Variants in CLMN observed in about 807,000 individuals in gnomAD.
CLMN encodes the protein calmin.
In CLMN, 57 loss-of-function variants were observed where a neutral mutation model predicts 92.7. The ratio of observed to expected loss-of-function variants is 0.61; its 90% confidence interval spans 0.50 to 0.77. The LOEUF is 0.77. Ranked by LOEUF, CLMN falls within the 30% of genes least tolerant of loss-of-function variation. The pLI is 0.00. For missense variants in CLMN, 1,158 were observed against 1,237.5 expected, an observed-to-expected ratio of 0.94 and a Z score of 0.96; for synonymous variants, 466 against 470.6, an observed-to-expected ratio of 0.99 and a Z score of 0.13.
At chr14:95,302,659 CT>C (rs1311802927) in intron 1 of CLMN, among the ~76,000 whole-genome samples, 16 of 152,222 alleles carry the variant, frequency 1.1e-4, no homozygotes, top group African/African-American at 2.9e-4. Context: ...CATAAAAACC[CT>C]TTACTAGTAT....
At chr14:95,314,539 T>C (rs1392452319) in intron 1 of CLMN, among the ~76,000 whole-genome samples, 1 of 152,062 alleles carries the variant, frequency 6.6e-6, no homozygotes, top group Non-Finnish European at 1.5e-5. Flanking sequence ...TCCAACCCTC[T>C]CATTTTGCAA....
chr14:95,290,227 G>A (rs146557991), intron 1 of CLMN, among the ~76,000 whole-genome samples: 49 of 152,262 alleles, frequency 3.2e-4, no homozygotes, highest in African/African-American at 1.1e-3. Context: ...GGTCCGCCCC[G>A]CCCACTCTTC....
At chr14:95,255,640 T>G (rs1898968590) in intron 1 of CLMN, among the ~76,000 whole-genome samples, 1 of 152,172 alleles carries the variant, frequency 6.6e-6, no homozygotes, top group Non-Finnish European at 1.5e-5. Context: ...CACAGCTTTC[T>G]GTCTGATTTC....
At chr14:95,281,032 A>C (rs1900126400) in intron 1 of CLMN, among the ~76,000 whole-genome samples, 1 of 152,244 alleles carries the variant, frequency 6.6e-6, no homozygotes, top group African/African-American at 2.4e-5. Context: ...AAATGCAGAG[A>C]GGAAAAATAA....
intron 10 of CLMN, among the ~76,000 whole-genome samples, chr14:95,195,361 G>A (rs982791846): frequency 2.6e-5 from 4 of 152,362 alleles, no homozygotes. Context: ...GGCACGCTGG[G>A]AGTCAAAGGC....
chr14:95,310,762 G>A (rs1344833458), intron 1 of CLMN, among the ~76,000 whole-genome samples: 3 of 152,182 alleles, frequency 2.0e-5, no homozygotes, highest in African/African-American at 7.2e-5. Context: ...TTCTGGGCAT[G>A]GTCACAGTCA....
intron 1 of CLMN, among the ~76,000 whole-genome samples, chr14:95,244,786 T>C (rs1392967846): frequency 6.6e-6 from 1 of 151,928 alleles, no homozygotes; most frequent in Non-Finnish European, 1.5e-5. Context: ...AAGAAGGACA[T>C]ATCATATCAC....
rs1379867530 is a variant in CLMN at position 95,256,452 on chromosome 14, CCTT to C, written c.83-26322_83-26320del. ...CTTGACACTGAGAAGCACTCTAACT[CCTT>C]CTTTGTGAACACGTTTTGACACAGT... On this transcript the variant is annotated intron_variant, in intron 1 of 12. Transcript: ENST00000298912. The surrounding 1 kb of genome is among the most constrained non-coding windows in gnomAD (Gnocchi z 4.9). 6.6e-6 allele frequency among the ~76,000 whole-genome samples: 1 copy of C among 152,220 alleles called. No homozygotes were observed. Among genetic ancestry groups the C allele is most frequent in the Non-Finnish European group, 1.5e-5 (1 of 68,044 alleles).
rs749582481 is a variant in CLMN, at chr14:95,210,711, G to A, written c.777C>T (p.His259=). ...CTTCTGGCTCCAGGAGCCTGGGGAT[G>A]TGCAGGGCATCCTGTGCGATGCTGA... ...KAFSIAQDAL[H]IPRLLEPEDI... The change falls in exon 7 of 13, where the codon CAC becomes CAT. Residue 259 remains histidine (H), a synonymous_variant. Coordinates refer to ENST00000298912, the MANE Select transcript of CLMN (RefSeq NM_024734.4). 1 of 1,607,432 alleles carries A rather than the reference G, an allele frequency of 6.2e-7. No individual in the cohort carries two copies. The highest frequency in any genetic ancestry group is 2.3e-5 in the East Asian group (1 of 44,012).
intron 1 of CLMN, among the ~76,000 whole-genome samples, chr14:95,243,713 T>G (rs1213737365): frequency 9.3e-6 from 1 of 107,248 alleles, no homozygotes; most frequent in Admixed American, 1.2e-4. Context: ...GAGAGTAATC[T>G]CCTCTATTTT....
intron 1 of CLMN, among the ~76,000 whole-genome samples, chr14:95,242,574 C>CTTTCTTTT (rs749024477): frequency 8.3e-6 from 1 of 119,856 alleles, no homozygotes; most frequent in Admixed American, 8.4e-5. Context: ...ATCTCTTTTT[C>CTTTCTTTT]TTTTTTTTTG....
At position 95,279,697 on chromosome 14, in the gene CLMN, GGCGTGAACCCA is replaced by G. The variant is rs992918241; in HGVS notation, c.82+40003_82+40013del. Among the ~76,000 whole-genome samples the G allele has an allele frequency of 4.5e-4, 68 of 152,288 alleles. 1 individual carries two copies. Among genetic ancestry groups the G allele is most frequent in the African/African-American group, 1.6e-3 (66 of 41,562 alleles). ...CCTCGGGAGGATGAGGCAGGAGAAT[GGCGTGAACCCA>G]GGAGGCGGAGCTTGCAGTGAGCCAA... On this transcript the variant is annotated intron_variant, in intron 1 of 12. Coordinates refer to ENST00000298912, the MANE Select transcript of CLMN (RefSeq NM_024734.4).
intron 1 of CLMN, among the ~76,000 whole-genome samples, chr14:95,287,694 C>T (rs987506635): frequency 2.0e-5 from 3 of 152,214 alleles, no homozygotes; most frequent in Admixed American, 6.5e-5. Context: ...AATGGTTTAG[C>T]ATTGGAAGAT....
At chr14:95,305,264 T>C (rs1269180069) in intron 1 of CLMN, among the ~76,000 whole-genome samples, 2 of 152,140 alleles carry the variant, frequency 1.3e-5, no homozygotes, top group Non-Finnish European at 2.9e-5. Context: ...TCCAAAATCA[T>C]AAAGCTAGTA....
chr14:95,257,009 C>A (rs1184862177), intron 1 of CLMN, among the ~76,000 whole-genome samples: 3 of 152,198 alleles, frequency 2.0e-5, no homozygotes, highest in Non-Finnish European at 4.4e-5. Flanking sequence ...CCTTGACAGA[C>A]AGGAGGGGGA....
intron 7 of CLMN, 113 bp downstream of exon 7, chr14:95,210,573 G>A: frequency 1.8e-6 from 2 of 1,087,316 alleles, no homozygotes; most frequent in Non-Finnish European, 2.6e-6. Flanking sequence ...AAATATAGGA[G>A]AAAAAATCTT....
At chr14:95,223,981 A>C (rs1348623352) in intron 2 of CLMN, 126 bp from the exon 3 acceptor site, 1 of 664,616 alleles carries the variant, frequency 1.5e-6, no homozygotes, top group African/African-American at 1.8e-5. Context: ...CAGGTAGAAA[A>C]GCCCATCCAA....
chr14:95,279,672 C>A (rs1373717083), intron 1 of CLMN, among the ~76,000 whole-genome samples: 1 of 152,176 alleles, frequency 6.6e-6, no homozygotes, highest in Non-Finnish European at 1.5e-5. Flanking sequence ...GGTCCCAGCT[C>A]CTCGGGAGGA....
Position 95,194,594 on chromosome 14 carries a change from G to C in CLMN, c.2711C>G (p.Thr904Ser). The stretch of plus-strand genomic sequence containing the variant: ...GTAAATGCTGGAGTCACTGTGACTA[G>C]TCCTGAAAAACAAACACATGTTTTG... ...DSSDYSIPSR[T>S]SHSDSSIYLR... is the part of the protein sequence containing the mutation. Residue 904 changes from threonine (T) to serine (S), a missense_variant and splice_region_variant, in exon 11 of 13, where the codon ACT (threonine) becomes AGT (serine). Coordinates refer to ENST00000298912, the MANE Select transcript of CLMN (RefSeq NM_024734.4). This position sits in a 1 kb window ranked among gnomAD's most constrained non-coding sequence, Gnocchi z 4.0. 6.2e-7 allele frequency: 1 copy of C among 1,614,150 alleles called. No homozygotes were observed. Among genetic ancestry groups the C allele is most frequent in the Non-Finnish European group, 8.5e-7 (1 of 1,179,982 alleles).
Sources: gnomAD v4.1 joint callset for allele counts (sites outside exome capture counted in the v4.1 genomes callset) on GRCh38, gnomAD v4.1.1 for gene constraint, Gnocchi (gnomAD v3.1) non-coding constraint, MANE v1.5 for transcripts, NCBI Gene and HGNC (gene_info 2026-07-23, HGNC 2026-07-21) for gene names.